FBXW11: variants seen among roughly 807,000 people sequenced by gnomAD.
FBXW11 encodes F-box and WD repeat domain containing 11.
FBXW11 carries 19 observed loss-of-function variants against 77.6 expected under a neutral mutation model. The ratio of observed to expected loss-of-function variants is 0.24; its 90% confidence interval spans 0.17 to 0.36. FBXW11 has a LOEUF of 0.36. FBXW11 is among the 10% of genes least tolerant of loss of function. The probability of loss-of-function intolerance (pLI) is 1.00; values close to 1 mark genes in which losing one functional copy is unlikely to be tolerated. For missense variants in FBXW11, 334 were observed against 704.2 expected (o/e 0.47, Z 5.95); for synonymous variants, 235 against 249.4 (o/e 0.94, Z 0.54).
chr5:171,903,212 T>A (rs1263110788), intron 4 of FBXW11, among the ~76,000 whole-genome samples: 2 of 152,050 alleles, frequency 1.3e-5, no homozygotes, highest in Admixed American at 6.6e-5. Context: ...TCCTCCCACC[T>A]CAACCTCCCA....
chr5:171,878,199 C>A, intron 7 of FBXW11, 70 bp from the exon 8 acceptor site: 1 of 1,059,500 alleles, frequency 9.4e-7, no homozygotes. Context: ...ACTGTCCCAC[C>A]TTATGTTCTG....
intron 3 of FBXW11, among the ~76,000 whole-genome samples, chr5:171,912,925 A>G (rs1022037186): frequency 1.6e-4 from 24 of 152,062 alleles, no homozygotes; most frequent in African/African-American, 5.6e-4. Context: ...AAAAAAAGTA[A>G]TATTTTTATA....
At chr5:171,879,809 G>GT (rs1366819686) in intron 7 of FBXW11, among the ~76,000 whole-genome samples, 2 of 151,764 alleles carry the variant, frequency 1.3e-5, no homozygotes, top group Non-Finnish European at 2.9e-5. Flanking sequence ...TAAGCTAATT[G>GT]TTTTTTTTCT....
chr5:171,993,617 A>G (rs1561757948), intron 1 of FBXW11, among the ~76,000 whole-genome samples: 1 of 152,174 alleles, frequency 6.6e-6, no homozygotes, highest in Non-Finnish European at 1.5e-5. Context: ...TGTCTCAAAA[A>G]AAAAGAAAAG....
At chr5:171,878,512 A>ATGGT (rs1758254803) in intron 7 of FBXW11, among the ~76,000 whole-genome samples, 1 of 151,768 alleles carries the variant, frequency 6.6e-6, no homozygotes, top group East Asian at 1.9e-4. Flanking sequence ...CCAGAAGTTA[A>ATGGT]AAGACCAGCC....
intron 2 of FBXW11, among the ~76,000 whole-genome samples, chr5:171,918,775 T>C (rs1410305096): frequency 1.3e-5 from 2 of 152,220 alleles, no homozygotes; most frequent in African/African-American, 4.8e-5. Flanking sequence ...GTGTGCATTA[T>C]AGAAGGTTAG....
At chr5:171,954,844 AG>A (rs1239322323) in intron 2 of FBXW11, among the ~76,000 whole-genome samples, 1 of 152,220 alleles carries the variant, frequency 6.6e-6, no homozygotes, top group African/African-American at 2.4e-5. Context: ...AGGTGTCAAT[AG>A]TGAGGTTTCT....
chr5:171,972,233 T>A (rs1367380211), intron 1 of FBXW11, among the ~76,000 whole-genome samples: 1 of 151,164 alleles, frequency 6.6e-6, no homozygotes, highest in Non-Finnish European at 1.5e-5. Flanking sequence ...ATCCCAGAAT[T>A]TGGGGAGGCT....
At chr5:171,921,471 C>T (rs1761594326) in intron 2 of FBXW11, among the ~76,000 whole-genome samples, 1 of 152,140 alleles carries the variant, frequency 6.6e-6, no homozygotes, top group Non-Finnish European at 1.5e-5. Context: ...ACTTTCCACA[C>T]AGAAAAATGT....
Position 171,876,606 on chromosome 5 carries a change from T to G in FBXW11, c.972-72A>C. The G allele has an allele frequency of 1.3e-6, 2 of 1,557,154 alleles. No homozygotes were observed. The highest frequency in any genetic ancestry group is 1.8e-6 in the Non-Finnish European group (2 of 1,140,932). On this transcript the variant is annotated intron_variant, in intron 8 of 13. Transcript: ENST00000517395. This position sits in a 1 kb window ranked among gnomAD's most constrained non-coding sequence, Gnocchi z 4.2. ...GGAAATGATTCTGGTATCTGAGCTC[T>G]GTCTGGGTCTGCAATGGTTTGGATA...
At chr5:171,944,574 C>CAAA (rs34106047) in intron 2 of FBXW11, among the ~76,000 whole-genome samples, 114 of 79,882 alleles carry the variant, frequency 1.4e-3, no homozygotes, top group East Asian at 2.7e-3. Flanking sequence ...GACTCCATCT[C>CAAA]AAAAAAAAAA....
intron 6 of FBXW11, among the ~76,000 whole-genome samples, chr5:171,894,956 A>G (rs1348350180): frequency 6.6e-6 from 1 of 152,230 alleles, no homozygotes; most frequent in Non-Finnish European, 1.5e-5. Context: ...GGGCTGCAAC[A>G]ACAAATACAT....
At chr5:171,991,028 G>A (rs1020671118) in intron 1 of FBXW11, among the ~76,000 whole-genome samples, 1 of 152,074 alleles carries the variant, frequency 6.6e-6, no homozygotes, top group Non-Finnish European at 1.5e-5. Context: ...GTTTCATCAT[G>A]TTGGTCAGGC....
chr5:171,917,449 G>A (rs537244557), intron 2 of FBXW11, among the ~76,000 whole-genome samples: 50 of 152,162 alleles, frequency 3.3e-4, no homozygotes, highest in Admixed American at 7.9e-4. Flanking sequence ...GGTTGATAAG[G>A]AAACAACCCC....
intron 1 of FBXW11, among the ~76,000 whole-genome samples, chr5:171,981,172 G>C (rs1765125631): frequency 6.6e-6 from 1 of 151,804 alleles, no homozygotes; most frequent in African/African-American, 2.4e-5. Flanking sequence ...TAAAGGGCAG[G>C]GTTCAGAGAA....
At chr5:171,878,603 A>AGAGAGAGTGTGT (rs138423567) in intron 7 of FBXW11, among the ~76,000 whole-genome samples, 1 of 128,474 alleles carries the variant, frequency 7.8e-6, no homozygotes, top group African/African-American at 3.0e-5. Context: ...AGAGAGAGAG[A>AGAGAGAGTGTGT]GTGTGTGTGT....
chr5:171,925,634 C>T (rs919083426), intron 2 of FBXW11, among the ~76,000 whole-genome samples: 3 of 152,186 alleles, frequency 2.0e-5, no homozygotes, highest in Non-Finnish European at 2.9e-5. Context: ...GTGCATGCCA[C>T]CGTGCCTGGC....
intron 2 of FBXW11, among the ~76,000 whole-genome samples, chr5:171,937,759 T>C (rs1184211065): frequency 1.4e-5 from 2 of 139,800 alleles, no homozygotes; most frequent in Non-Finnish European, 3.1e-5. Flanking sequence ...ACCTGGGAGG[T>C]TGAAGCTGCA....
Position 171,908,684 on chromosome 5 carries a change from C to T in FBXW11, c.436+1888G>A, listed in dbSNP as rs897610452. The T allele has an allele frequency of 2.0e-5, 3 of 152,178 alleles. No individual in the cohort carries two copies. In the East Asian group the frequency reaches 5.8e-4, roughly 29 times the overall value. 9.4% of individuals were successfully genotyped at this position (152,178 alleles called of 1,614,324 possible). On this transcript the variant is annotated intron_variant, in intron 4 of 13. Coordinates refer to ENST00000517395, the MANE Select transcript of FBXW11 (RefSeq NM_001378974.1). ...AGCTAACTCTCAAATATCCTTAAAA[C>T]TCCCATTGTAGAAGGTAAACTTACA...
Sources: gnomAD v4.1 joint callset for allele counts (sites outside exome capture counted in the v4.1 genomes callset) on GRCh38, gnomAD v4.1.1 for gene constraint, Gnocchi (gnomAD v3.1) non-coding constraint, MANE v1.5 for transcripts, NCBI Gene and HGNC (gene_info 2026-07-23, HGNC 2026-07-21) for gene names.